PDIK1L: variants seen among roughly 807,000 people sequenced by gnomAD.
The protein encoded by PDIK1L is PDLIM1 interacting kinase 1 like.
PDIK1L carries 9 observed loss-of-function variants against 27.1 expected under a neutral mutation model. The observed-to-expected ratio is 0.33, with a 90% CI of 0.20 to 0.58. The LOEUF (loss-of-function observed/expected upper bound fraction) is 0.58, where lower values mean the gene tolerates loss of function less well. PDIK1L is among the 20% of genes least tolerant of loss of function. The pLI, the probability that PDIK1L is intolerant of heterozygous loss-of-function variation, is 0.86. For synonymous variants in PDIK1L, 130 were observed against 141.7 expected (o/e 0.92, Z 0.59); for missense variants, 216 against 413.2 (o/e 0.52, Z 4.14).
Position 26,122,324 on chromosome 1 carries a change from A to G in PDIK1L, c.773A>G (p.Asp258Gly). 6.2e-7 allele frequency: 1 copy of G among 1,614,192 alleles called. No individual in the cohort carries two copies. Among genetic ancestry groups the G allele is most frequent in the Non-Finnish European group, 8.5e-7 (1 of 1,180,022 alleles). Residue 258 changes from aspartate to glycine, a missense_variant, in exon 3 of 3, where the codon GAC (aspartate) becomes GGC (glycine). This residue lies in a region of PDIK1L where 169 missense variants were observed against 366.0 expected (regional missense o/e 0.46). Coordinates refer to ENST00000374269, the MANE Select transcript of PDIK1L (RefSeq NM_152835.5). The surrounding 1 kb of genome is among the most constrained non-coding windows in gnomAD (Gnocchi z 5.4). ...ATGCTGGAAAGGATCACATTCATAG[A>G]CACAGAGACAAAGAAGGAACTCTTG... ...WAMLERITFI[D>G]TETKKELLGS...
At chr1:26,120,201 A>G (rs576327619) in intron 2 of PDIK1L, among the ~76,000 whole-genome samples, 1 of 152,340 alleles carries the variant, frequency 6.6e-6, no homozygotes, top group South Asian at 2.1e-4. Flanking sequence ...TATATGGTAC[A>G]GAGACCTTAT....
In PDIK1L at chr1:26,114,338, A is replaced by G. The variant is rs766760301; in HGVS notation, c.30A>G (p.Leu10=). 6 of 1,613,866 alleles carry G rather than the reference A, an allele frequency of 3.7e-6. No homozygotes were observed. Among genetic ancestry groups the G allele is most frequent in the Admixed American group, 1.7e-5 (1 of 59,978 alleles). Reference sequence around the variant, plus strand: ...TGAGTAGCCAGCCAAAGTACGATCTAATACGGGAGGTAGGCCGAGGTAGTT... The same window carrying G: ...TGAGTAGCCAGCCAAAGTACGATCTGATACGGGAGGTAGGCCGAGGTAGTT... MVSSQPKYD[L]IREVGRGSYG... Residue 10 remains leucine, a synonymous_variant, in exon 2 of 3, where the codon CTA becomes CTG. Coordinates refer to ENST00000374269, the MANE Select transcript of PDIK1L (RefSeq NM_152835.5). This position sits in a 1 kb window ranked among gnomAD's most constrained non-coding sequence, Gnocchi z 4.8.
chr1:26,122,423 T>C lies in PDIK1L; in HGVS notation c.872T>C (p.Leu291Pro), dbSNP rs1312584717. 6.2e-7 allele frequency: 1 copy of C among 1,614,022 alleles called. No homozygotes were observed. The change falls in exon 3 of 3, where the codon CTT becomes CCT. Residue 291 changes from leucine (L) to proline (P), a missense_variant. Physicochemically the swap from Leu to Pro is moderately conservative, Grantham distance 98 (BLOSUM62 -3). This residue lies in a region of PDIK1L where 169 missense variants were observed against 366.0 expected (regional missense o/e 0.46). Transcript: ENST00000374269. The surrounding 1 kb of genome is among the most constrained non-coding windows in gnomAD (Gnocchi z 5.4). ...CTTCTGGAAAATCCCAAAATGGAAC[T>C]TCTCATTCCTGTGAAGAAAAAATCT... ...EALLENPKMELLIPVKKKSMN... is the reference protein window; with the variant it reads ...EALLENPKMEPLIPVKKKSMN...
In PDIK1L at chr1:26,114,247, G is replaced by T. The variant is rs931738985; in HGVS notation, c.-17-45G>T. ...CATACATAAGAAGAAATACAAGCCA[G>T]TAGGTATACATAATTTCAACAGAGC... On this transcript the variant is annotated intron_variant, in intron 1 of 2. Coordinates refer to ENST00000374269, the MANE Select transcript of PDIK1L (RefSeq NM_152835.5). The surrounding 1 kb of genome is among the most constrained non-coding windows in gnomAD (Gnocchi z 4.8). 1.3e-6 allele frequency: 2 copies of T among 1,509,510 alleles called. No homozygotes were observed. Among genetic ancestry groups the T allele is most frequent in the African/African-American group, 2.8e-5 (2 of 72,444 alleles). 93.5% of individuals were successfully genotyped at this position (1,509,510 alleles called of 1,614,324 possible). A position where few individuals can be genotyped will look rare whatever the true frequency, so the allele number is the denominator to read the frequency against.
At position 26,123,051 on chromosome 1, in the gene PDIK1L, C is replaced by T. The variant is rs1285035313; in HGVS notation, c.*474C>T. The T allele has an allele frequency of 6.6e-6, 1 of 152,420 alleles. No individual in the cohort carries two copies. The highest frequency in any genetic ancestry group is 1.9e-4 in the East Asian group (1 of 5,200). The allele number at this position is 152,420 out of a possible 1,614,324, so 9.4% of individuals were successfully genotyped here. ...TGCATTCCATATGAAAAAAATGCCA[C>T]GTCTGTTTAAATTATTTGATGTAGG... is the stretch of plus-strand genomic sequence containing the variant. On this transcript the variant is annotated 3_prime_UTR_variant, in exon 3 of 3. Transcript: ENST00000374269.
chr1:26,111,552 C>T (rs1412353911), upstream of PDIK1L: 1 of 151,426 alleles, frequency 6.6e-6, no homozygotes, highest in African/African-American at 2.4e-5. The surrounding 1 kb of genome is among the most constrained non-coding windows in gnomAD (Gnocchi z 4.0). Context: ...TGGAGGGTGG[C>T]CGAGCCCCGG....
chr1:26,112,295 G>T (rs1350945103), intron 1 of PDIK1L, among the ~76,000 whole-genome samples: 4 of 152,222 alleles, frequency 2.6e-5, no homozygotes, highest in Admixed American at 2.6e-4. Context: ...CTTCCCGGGC[G>T]CCGGCAGGTG....
At chr1:26,113,552 T>C (rs1005987472) in intron 1 of PDIK1L, among the ~76,000 whole-genome samples, 1 of 151,424 alleles carries the variant, frequency 6.6e-6, no homozygotes, top group African/African-American at 2.4e-5. Context: ...TTTATTTTCA[T>C]TATTGTGTAA....
rs770153805 is a variant in PDIK1L at position 26,114,490 on chromosome 1, A to G, written c.182A>G (p.Lys61Arg). ...GAGTTCTGGGCACTAAGCAGTATCA[A>G]GAGCCAACATCCAAATGTGATTCAC... is the stretch of plus-strand genomic sequence containing the variant. ...LREFWALSSI[K>R]SQHPNVIHLE... The change falls in exon 2 of 3, where the codon AAG becomes AGG. Residue 61 changes from lysine (K) to arginine (R), a missense_variant. Lys to Arg is a conservative substitution (Grantham distance 26). Around this residue, in one of 2 missense-constraint regions of PDIK1L, gnomAD observed 169 missense variants for 366.0 expected, o/e 0.46. Coordinates refer to ENST00000374269, the MANE Select transcript of PDIK1L (RefSeq NM_152835.5). This position sits in a 1 kb window ranked among gnomAD's most constrained non-coding sequence, Gnocchi z 4.8. 1.2e-6 allele frequency: 2 copies of G among 1,614,224 alleles called. No individual in the cohort carries two copies. The highest frequency in any genetic ancestry group is 3.3e-5 in the Admixed American group (2 of 60,028).
rs1452467242 is a variant in PDIK1L, at chr1:26,124,555, T to C, written c.*1978T>C. The stretch of plus-strand genomic sequence containing the variant: ...CCATGCATCATTTGCTCTTCAAATA[T>C]CTATGTGCTTGGAGCCACAGTTTCC... On this transcript the variant is annotated 3_prime_UTR_variant, in exon 3 of 3. Coordinates refer to ENST00000374269, the MANE Select transcript of PDIK1L (RefSeq NM_152835.5). 1 of 152,194 alleles carries C rather than the reference T, an allele frequency of 6.6e-6. No individual in the cohort carries two copies. Among genetic ancestry groups the C allele is most frequent in the Non-Finnish European group, 1.5e-5 (1 of 68,024 alleles). 9.4% of individuals were successfully genotyped at this position (152,194 alleles called of 1,614,324 possible). A position where few individuals can be genotyped will look rare whatever the true frequency, so the allele number is the denominator to read the frequency against.
intron 1 of PDIK1L, among the ~76,000 whole-genome samples, chr1:26,113,995 T>C (rs1272261512): frequency 6.6e-6 from 1 of 152,230 alleles, no homozygotes; most frequent in African/African-American, 2.4e-5. Flanking sequence ...TCATTTAACC[T>C]CTCCATTATA....
intron 1 of PDIK1L, among the ~76,000 whole-genome samples, chr1:26,113,580 TAA>T (rs1002346322): frequency 6.7e-6 from 1 of 149,858 alleles, no homozygotes; most frequent in African/African-American, 2.4e-5. Context: ...GGAGATGACA[TAA>T]GAGACAAAAT....
intron 2 of PDIK1L, among the ~76,000 whole-genome samples, chr1:26,121,588 A>C (rs899025140): frequency 3.9e-5 from 6 of 152,232 alleles, no homozygotes; most frequent in African/African-American, 1.4e-4. Context: ...ACGCTTTTCA[A>C]AATAAAGCTA....
At position 26,125,386 on chromosome 1, in the gene PDIK1L, ATAAG is replaced by A. The variant is rs1036309755; in HGVS notation, c.*2811_*2814del. ...ACCAGCATGACAAAATGGTCAAAAA[ATAAG>A]TCATCAGCACTTAAGAAATGAAAGC... On this transcript the variant is annotated 3_prime_UTR_variant, in exon 3 of 3. Coordinates refer to ENST00000374269, the MANE Select transcript of PDIK1L (RefSeq NM_152835.5). 2.6e-5 allele frequency: 4 copies of A among 152,650 alleles called. No individual in the cohort carries two copies. Among genetic ancestry groups the A allele is most frequent in the African/African-American group, 9.6e-5 (4 of 41,464 alleles). 9.5% of individuals were successfully genotyped at this position (152,650 alleles called of 1,614,324 possible). A position where few individuals can be genotyped will look rare whatever the true frequency, so the allele number is the denominator to read the frequency against.
chr1:26,121,719 AT>A (rs1448075645), intron 2 of PDIK1L, 117 bp from the exon 3 acceptor site: 14 of 1,068,794 alleles, frequency 1.3e-5, no homozygotes, highest in Admixed American at 2.9e-5. Context: ...TAAATAAAAT[AT>A]TTATAGAGTT....
intron 2 of PDIK1L, among the ~76,000 whole-genome samples, chr1:26,116,939 C>A (rs775600433): frequency 2.7e-5 from 4 of 150,326 alleles, no homozygotes; most frequent in Non-Finnish European, 4.4e-5. Context: ...TGGTCTTGAA[C>A]TTCTGACCTC....
Position 26,114,328 on chromosome 1 carries a change from A to C in PDIK1L, c.20A>C (p.Lys7Thr). 6.2e-7 allele frequency: 1 copy of C among 1,610,608 alleles called. No individual in the cohort carries two copies. Among genetic ancestry groups the C allele is most frequent in the Non-Finnish European group, 8.5e-7 (1 of 1,176,962 alleles). ...TTGAAGATGGTGAGTAGCCAGCCAA[A>C]GTACGATCTAATACGGGAGGTAGGC... is the stretch of plus-strand genomic sequence containing the variant. Reference protein sequence around the residue: MVSSQPKYDLIREVGRG... With the variant: MVSSQPTYDLIREVGRG... Residue 7 changes from lysine (K) to threonine (T), a missense_variant, in exon 2 of 3, where the codon AAG becomes ACG. Lys to Thr is a moderately conservative substitution (Grantham distance 78, BLOSUM62 -1). Around this residue, in one of 2 missense-constraint regions of PDIK1L, gnomAD observed 47 missense variants for 47.2 expected, o/e 1.00. Coordinates refer to ENST00000374269, the MANE Select transcript of PDIK1L (RefSeq NM_152835.5). This position sits in a 1 kb window ranked among gnomAD's most constrained non-coding sequence, Gnocchi z 4.8.
intron 2 of PDIK1L, among the ~76,000 whole-genome samples, chr1:26,120,948 C>T (rs1463125071): frequency 1.6e-5 from 1 of 64,194 alleles, no homozygotes; most frequent in Non-Finnish European, 3.2e-5. Flanking sequence ...AAGACTCCGT[C>T]TCAAAAAAAA....
chr1:26,116,757 C>T (rs2087883015), intron 2 of PDIK1L, among the ~76,000 whole-genome samples: 2 of 152,002 alleles, frequency 1.3e-5, no homozygotes, highest in South Asian at 2.1e-4. Flanking sequence ...CTCTTGTCGC[C>T]CAGGCTGGAG....
Sources: gnomAD v4.1 joint callset for allele counts (sites outside exome capture counted in the v4.1 genomes callset) on GRCh38, gnomAD v4.1.1 for gene constraint, gnomAD v4.1.1 regional missense constraint, Gnocchi (gnomAD v3.1) non-coding constraint, MANE v1.5 for transcripts, NCBI Gene and HGNC (gene_info 2026-07-23, HGNC 2026-07-21) for gene names.